PRKN: variants seen among roughly 807,000 people sequenced by gnomAD.
PRKN encodes the protein parkin RBR E3 ubiquitin protein ligase, also known as E3 ubiquitin-protein ligase parkin.
A neutral mutation model predicts 59.5 loss-of-function variants in PRKN; 56 were observed. The observed-to-expected ratio is 0.94, with a 90% CI of 0.76 to 1.18. The LOEUF (loss-of-function observed/expected upper bound fraction) is 1.18, where lower values mean the gene tolerates loss of function less well. Among genes scored for constraint, PRKN ranks in the 50% most tolerant of loss-of-function variants. The probability of loss-of-function intolerance (pLI) is 0.00; values close to 1 mark genes in which losing one functional copy is unlikely to be tolerated. For missense variants in PRKN, 657 were observed against 596.4 expected (o/e 1.10, Z -1.06); for synonymous variants, 250 against 222.1 (o/e 1.13, Z -1.12).
chr6:162,677,922 C>T (rs1327912674), intron 1 of PRKN, among the ~76,000 whole-genome samples: 1 of 152,054 alleles, frequency 6.6e-6, no homozygotes, highest in Non-Finnish European at 1.5e-5. Context: ...GAGTACATCA[C>T]CCCCAGTAGA....
At chr6:162,020,359 C>CA (rs1783098450) in intron 5 of PRKN, among the ~76,000 whole-genome samples, 1 of 65,650 alleles carries the variant, frequency 1.5e-5, no homozygotes, top group Non-Finnish European at 3.4e-5. Flanking sequence ...AAAAAAAAAA[C>CA]AGATAAAAAC....
chr6:162,153,458 C>A (rs1047819676), intron 4 of PRKN, among the ~76,000 whole-genome samples: 9 of 152,200 alleles, frequency 5.9e-5, no homozygotes, highest in African/African-American at 2.2e-4. Context: ...TGTCAGCAGA[C>A]AACAGTGTGT....
intron 1 of PRKN, among the ~76,000 whole-genome samples, chr6:162,584,771 T>C: frequency 7.6e-6 from 1 of 130,856 alleles, no homozygotes; most frequent in Non-Finnish European, 1.6e-5. Flanking sequence ...TTCTCTTTTC[T>C]TTTCCTCTCC....
intron 4 of PRKN, among the ~76,000 whole-genome samples, chr6:162,199,552 T>A (rs1167698663): frequency 6.6e-6 from 1 of 151,898 alleles, no homozygotes; most frequent in East Asian, 1.9e-4. Flanking sequence ...CAGATTGGGG[T>A]AGATGAGGTT....
chr6:162,359,079 A>AAATATATATATATAT (rs57265104), intron 2 of PRKN, among the ~76,000 whole-genome samples: 1 of 83,274 alleles, frequency 1.2e-5, no homozygotes, highest in African/African-American at 7.3e-5. Flanking sequence ...AAAAAAAAAA[A>AAATATATATATATAT]ATATATATAT....
At chr6:162,339,146 G>A (rs1297206724) in intron 2 of PRKN, among the ~76,000 whole-genome samples, 3 of 143,140 alleles carry the variant, frequency 2.1e-5, no homozygotes, top group African/African-American at 5.2e-5. Flanking sequence ...CAGCCGCCCC[G>A]TCTGAGAAGT....
At position 161,410,529 on chromosome 6, in the gene PRKN, C is replaced by T. The variant is rs1160658443; in HGVS notation, c.1084-23652G>A. Among the ~76,000 whole-genome samples the T allele has an allele frequency of 6.6e-6, 1 of 152,142 alleles. No homozygotes were observed. The highest frequency in any genetic ancestry group is 1.5e-5 in the Non-Finnish European group (1 of 68,036). The stretch of plus-strand genomic sequence containing the variant: ...GCTCTTGGTCCCCTAAGGCCCTGCT[C>T]CTGGCAGATACTCTAAGGAGCCCGG... On this transcript the variant is annotated intron_variant, in intron 9 of 11. Coordinates refer to ENST00000366898, the MANE Select transcript of PRKN (RefSeq NM_004562.3). This position sits in a 1 kb window ranked among gnomAD's most constrained non-coding sequence, Gnocchi z 5.3.
chr6:162,500,274 C>T (rs942603861), intron 1 of PRKN, among the ~76,000 whole-genome samples: 11 of 151,528 alleles, frequency 7.3e-5, no homozygotes, highest in Admixed American at 1.3e-4. Context: ...TGGGTTCAAG[C>T]GATTCTTGTG....
chr6:161,941,526 T>C (rs7741587), intron 6 of PRKN, among the ~76,000 whole-genome samples: 1,981 of 152,328 alleles, frequency 0.013, 43 homozygotes, highest in African/African-American at 0.044. Flanking sequence ...CCGATTCTTC[T>C]GGTACACAAA....
chr6:161,369,062 C>T lies in PRKN; in HGVS notation c.1168-8857G>A, dbSNP rs1409069337. 1.3e-5 allele frequency among the ~76,000 whole-genome samples: 2 copies of T among 152,182 alleles called. No individual in the cohort carries two copies. Among genetic ancestry groups the T allele is most frequent in the Non-Finnish European group, 2.9e-5 (2 of 68,044 alleles). ...GGGCAGGAGAAGCAGCTCTATGACA[C>T]CCCGGGAGTGGGCGGTGCCCAGGCC... is the stretch of plus-strand genomic sequence containing the variant. On this transcript the variant is annotated intron_variant, in intron 10 of 11. Transcript: ENST00000366898. This position sits in a 1 kb window ranked among gnomAD's most constrained non-coding sequence, Gnocchi z 5.8.
intron 3 of PRKN, among the ~76,000 whole-genome samples, chr6:162,218,844 C>T (rs1020406203): frequency 6.6e-6 from 1 of 152,088 alleles, no homozygotes; most frequent in African/African-American, 2.4e-5. Context: ...CATCTTCTTA[C>T]TTCTTTTCTG....
intron 2 of PRKN, among the ~76,000 whole-genome samples, chr6:162,293,795 G>A (rs1781542964): frequency 6.6e-6 from 1 of 152,198 alleles, no homozygotes; most frequent in African/African-American, 2.4e-5. Context: ...GAAAGAGAGA[G>A]AGACAGAGGA....
chr6:161,779,410 T>C (rs1790092851), intron 7 of PRKN, among the ~76,000 whole-genome samples: 1 of 148,694 alleles, frequency 6.7e-6, no homozygotes, highest in Admixed American at 6.8e-5. Flanking sequence ...TTTCCTTTCT[T>C]TTCTTTTTTT....
chr6:161,553,473 C>A (rs938120378), intron 8 of PRKN, among the ~76,000 whole-genome samples: 1 of 151,890 alleles, frequency 6.6e-6, no homozygotes, highest in Admixed American at 6.6e-5. Flanking sequence ...TTCTGTCTCT[C>A]TGTAATACTA....
chr6:161,716,149 A>G (rs1482849092), intron 7 of PRKN: 3 of 1,313,478 alleles, frequency 2.3e-6, no homozygotes, highest in Non-Finnish European at 3.0e-6. Context: ...AATAGAATAC[A>G]GAGGAGACTG....
At chr6:162,307,154 AT>A (rs1249548333) in intron 2 of PRKN, among the ~76,000 whole-genome samples, 5 of 151,956 alleles carry the variant, frequency 3.3e-5, no homozygotes, top group African/African-American at 1.2e-4. Flanking sequence ...AATCCCCTCA[AT>A]TTGGGAAGCC....
At chr6:162,395,686 CTTTG>C (rs36124985) in intron 2 of PRKN, among the ~76,000 whole-genome samples, 14,472 of 151,808 alleles carry the variant, frequency 0.095, 830 homozygotes, top group African/African-American at 0.17. Context: ...AGAAATTCTC[CTTTG>C]TTTGCAAAAA....
At chr6:162,507,758 T>C (rs1793671558) in intron 1 of PRKN, among the ~76,000 whole-genome samples, 1 of 152,194 alleles carries the variant, frequency 6.6e-6, no homozygotes, top group South Asian at 2.1e-4. Context: ...GAGTGTGAGC[T>C]TCAACAAGAC....
chr6:161,731,627 C>G (rs148791635), intron 7 of PRKN, among the ~76,000 whole-genome samples: 10 of 152,042 alleles, frequency 6.6e-5, no homozygotes, highest in African/African-American at 2.2e-4. Context: ...ACTGAATGAT[C>G]CCCCACATTT....
Sources: allele counts gnomAD v4.1 joint callset (sites outside exome capture counted in the v4.1 genomes callset), GRCh38; gene constraint gnomAD v4.1.1; non-coding constraint Gnocchi (gnomAD v3.1); transcripts MANE v1.5; gene names NCBI Gene and HGNC (gene_info 2026-07-23, HGNC 2026-07-21).